Variants in KCNJ6 observed in about 807,000 individuals in gnomAD.
KCNJ6 encodes potassium inwardly rectifying channel subfamily J member 6.
In KCNJ6, 9 loss-of-function variants were observed where a neutral mutation model predicts 34.2. The observed-to-expected ratio is 0.26, with a 90% CI of 0.16 to 0.46. The LOEUF (loss-of-function observed/expected upper bound fraction) is 0.46. Ranked by LOEUF, KCNJ6 falls within the 20% of genes least tolerant of loss-of-function variation. KCNJ6 has a pLI of 1.00. For missense variants in KCNJ6, 236 were observed against 531.3 expected (o/e 0.44, Z 5.46); for synonymous variants, 196 against 207.1 (o/e 0.95, Z 0.46).
intron 2 of KCNJ6, among the ~76,000 whole-genome samples, chr21:37,805,255 T>C (rs900964358): frequency 3.3e-5 from 5 of 152,062 alleles, no homozygotes; most frequent in African/African-American, 1.2e-4. Context: ...GTGTGAATTT[T>C]GCGATATGTG....
chr21:37,710,342 G>A (rs1270286684), intron 3 of KCNJ6, among the ~76,000 whole-genome samples: 1 of 152,176 alleles, frequency 6.6e-6, no homozygotes, highest in Non-Finnish European at 1.5e-5. Flanking sequence ...TTGCAGATGA[G>A]GATGATGTGA....
At chr21:37,647,464 A>G (rs1339141565) in intron 3 of KCNJ6, among the ~76,000 whole-genome samples, 7 of 152,126 alleles carry the variant, frequency 4.6e-5, no homozygotes, top group African/African-American at 1.7e-4. Flanking sequence ...TGCTGACCCA[A>G]TTGCCAGAGA....
Position 37,856,893 on chromosome 21 carries a change from C to A in KCNJ6, c.-27-16184G>T, listed in dbSNP as rs1342337344. Among the ~76,000 whole-genome samples, 4 of 152,064 alleles carry A rather than the reference C, an allele frequency of 2.6e-5. No individual in the cohort carries two copies. In the East Asian group the frequency reaches 7.7e-4, roughly 29 times the overall value. On this transcript the variant is annotated intron_variant, in intron 1 of 3. Coordinates refer to ENST00000609713, the MANE Select transcript of KCNJ6 (RefSeq NM_002240.5). ...ATGTACCAGTTACTTGGTTTCATTC[C>A]AGTGTGTGATGCTCTTGCATGGTTC...
chr21:37,766,553 C>T (rs935764199), intron 2 of KCNJ6, among the ~76,000 whole-genome samples: 1 of 152,186 alleles, frequency 6.6e-6, no homozygotes, highest in Non-Finnish European at 1.5e-5. Context: ...ATGGAAATCC[C>T]CCGAGGGTTC....
intron 2 of KCNJ6, among the ~76,000 whole-genome samples, chr21:37,790,210 G>A (rs1449479823): frequency 1.3e-5 from 2 of 152,130 alleles, no homozygotes; most frequent in African/African-American, 4.8e-5. Flanking sequence ...GGGGCACAGG[G>A]TTGCAACACT....
At chr21:37,883,518 G>A (rs2055720366) in intron 1 of KCNJ6, among the ~76,000 whole-genome samples, 1 of 152,168 alleles carries the variant, frequency 6.6e-6, no homozygotes. Context: ...GCTTGACCAA[G>A]CACCTAGTGC....
At chr21:37,628,321 A>G (rs567316838) in intron 3 of KCNJ6, among the ~76,000 whole-genome samples, 107 of 152,176 alleles carry the variant, frequency 7.0e-4, no homozygotes, top group Non-Finnish European at 1.4e-3. Flanking sequence ...TGTTTCCCCA[A>G]ATAAAGAATA....
chr21:37,774,443 CA>C (rs2055132230), intron 2 of KCNJ6, among the ~76,000 whole-genome samples: 1 of 152,104 alleles, frequency 6.6e-6, no homozygotes, highest in African/African-American at 2.4e-5. Flanking sequence ...TGGTGCGCTG[CA>C]CCCATTAACT....
At chr21:37,876,222 G>T (rs6517439) in intron 1 of KCNJ6, among the ~76,000 whole-genome samples, 150,556 of 152,304 alleles carry the variant, frequency 0.99, 74,431 homozygotes, top group Middle Eastern at 1. Flanking sequence ...ACACTGGACC[G>T]GGCCGTCTCA....
chr21:37,634,932 A>G (rs1334321397), intron 3 of KCNJ6, among the ~76,000 whole-genome samples: 2 of 151,806 alleles, frequency 1.3e-5, no homozygotes, highest in Non-Finnish European at 2.9e-5. Context: ...TAATTTTTGT[A>G]TTTTTTGTAG....
In KCNJ6 at chr21:37,700,882, A is replaced by G. The variant is rs574491908; in HGVS notation, c.946+13329T>C. Among the ~76,000 whole-genome samples, 10 of 152,252 alleles carry G rather than the reference A, an allele frequency of 6.6e-5. No homozygotes were observed. The East Asian group carries it at 1.9e-3, about 29-fold the overall frequency. On this transcript the variant is annotated intron_variant, in intron 3 of 3. Coordinates refer to ENST00000609713, the MANE Select transcript of KCNJ6 (RefSeq NM_002240.5). The stretch of plus-strand genomic sequence containing the variant: ...TTTGCTCATTTGCATAAGAGAGCCT[A>G]TGGTCTGGCAGCAGCCCCATGGGAA...
At chr21:37,788,063 A>T (rs1371589676) in intron 2 of KCNJ6, among the ~76,000 whole-genome samples, 1 of 152,204 alleles carries the variant, frequency 6.6e-6, no homozygotes, top group Non-Finnish European at 1.5e-5. Context: ...AGAATTTGAG[A>T]AGGAAGATCT....
intron 3 of KCNJ6, among the ~76,000 whole-genome samples, chr21:37,648,880 C>CCAGCACTT (rs1244357943): frequency 1.3e-5 from 2 of 151,852 alleles, no homozygotes; most frequent in African/African-American, 4.8e-5. Flanking sequence ...GCCTGTAATC[C>CCAGCACTT]CAGCACTTCG....
intron 2 of KCNJ6, among the ~76,000 whole-genome samples, chr21:37,746,159 A>G (rs556372074): frequency 6.6e-6 from 1 of 152,294 alleles, no homozygotes; most frequent in South Asian, 2.1e-4. Flanking sequence ...ATGCCATCAC[A>G]TGGTGGATTA....
At position 37,871,710 on chromosome 21, in the gene KCNJ6, C is replaced by G. The variant is rs2055653260; in HGVS notation, c.-27-31001G>C. ...AACCGGCAGACAGATGGGTGGACTT[C>G]TAGATAAACAGTGATGGAGAGAGGT... is the stretch of plus-strand genomic sequence containing the variant. On this transcript the variant is annotated intron_variant, in intron 1 of 3. Transcript: ENST00000609713. Among the ~76,000 whole-genome samples, 3 of 152,230 alleles carry G rather than the reference C, an allele frequency of 2.0e-5. 1 individual carries two copies. Among genetic ancestry groups the G allele is most frequent in the Admixed American group, 2.0e-4 (3 of 15,286 alleles).
At chr21:37,781,884 C>A (rs567875938) in intron 2 of KCNJ6, among the ~76,000 whole-genome samples, 1 of 152,278 alleles carries the variant, frequency 6.6e-6, no homozygotes, top group East Asian at 1.9e-4. Context: ...TACCTACCTA[C>A]CTACATATAG....
At chr21:37,767,125 C>A (rs976196861) in intron 2 of KCNJ6, among the ~76,000 whole-genome samples, 1 of 152,096 alleles carries the variant, frequency 6.6e-6, no homozygotes, top group Non-Finnish European at 1.5e-5. Flanking sequence ...CTCAACACAC[C>A]GCATTAGTGT....
At chr21:37,664,956 C>T (rs549661720) in intron 3 of KCNJ6, among the ~76,000 whole-genome samples, 7 of 151,972 alleles carry the variant, frequency 4.6e-5, no homozygotes, top group Admixed American at 2.0e-4. Flanking sequence ...CCACCGCGCC[C>T]GGCTAATTTT....
At chr21:37,901,944 T>C (rs183527530) in intron 1 of KCNJ6, among the ~76,000 whole-genome samples, 1 of 150,510 alleles carries the variant, frequency 6.6e-6, no homozygotes, top group Non-Finnish European at 1.5e-5. Flanking sequence ...AACTAATTTG[T>C]TTTTTTTAAT....
Sources: allele counts gnomAD v4.1 joint callset (sites outside exome capture counted in the v4.1 genomes callset), GRCh38; gene constraint gnomAD v4.1.1; transcripts MANE v1.5; gene names NCBI Gene and HGNC (gene_info 2026-07-23, HGNC 2026-07-21).